The following ZNRF1 variants were observed in gnomAD, a reference collection of about 807,000 sequenced individuals.
ZNRF1 encodes the protein zinc and ring finger 1, also known as E3 ubiquitin-protein ligase ZNRF1.
A neutral mutation model predicts 18.4 loss-of-function variants in ZNRF1; 3 were observed. The observed-to-expected ratio is 0.16, with a 90% CI of 0.07 to 0.42. ZNRF1 has a LOEUF of 0.42. Among genes scored for constraint, ZNRF1 ranks in the 10% least tolerant of loss-of-function variants. The pLI is 0.99. For synonymous variants in ZNRF1, 157 were observed against 144.2 expected (o/e 1.09, Z -0.64); for missense variants, 310 against 329.8 (o/e 0.94, Z 0.47).
rs1332286826 is a variant in ZNRF1, at chr16:75,108,291, C to T, written c.*591C>T. ...TCCCCTTGAGACCCTAATATCTTGACTTCATTGCCAAAAAACAACCCATTG... is the reference window on the plus strand; with the variant it reads ...TCCCCTTGAGACCCTAATATCTTGATTTCATTGCCAAAAAACAACCCATTG... On this transcript the variant is annotated 3_prime_UTR_variant, in exon 5 of 5. Coordinates refer to ENST00000335325, the MANE Select transcript of ZNRF1 (RefSeq NM_032268.5). The T allele has an allele frequency of 6.5e-6, 2 of 308,322 alleles. No homozygotes were observed. The highest frequency in any genetic ancestry group is 5.4e-5 in the East Asian group (1 of 18,598). 19.1% of individuals were successfully genotyped at this position (308,322 alleles called of 1,614,324 possible).
At chr16:75,003,223 A>G (rs760022660) in intron 1 of ZNRF1, among the ~76,000 whole-genome samples, 4 of 152,190 alleles carry the variant, frequency 2.6e-5, no homozygotes, top group Non-Finnish European at 4.4e-5. Flanking sequence ...CGGCCTCCCA[A>G]AGTGATAGGA....
At chr16:75,079,471 T>G (rs1307872834) in intron 1 of ZNRF1, among the ~76,000 whole-genome samples, 1 of 151,542 alleles carries the variant, frequency 6.6e-6, no homozygotes, top group Non-Finnish European at 1.5e-5. Context: ...AGAGCAAGAG[T>G]CCGTCTCAAA....
chr16:75,050,323 C>A (rs548584132), intron 1 of ZNRF1, among the ~76,000 whole-genome samples: 1 of 151,842 alleles, frequency 6.6e-6, no homozygotes, highest in Non-Finnish European at 1.5e-5. Flanking sequence ...CCCAGGAATT[C>A]GAGACCATAC....
intron 1 of ZNRF1, among the ~76,000 whole-genome samples, chr16:75,050,575 A>G (rs1256299262): frequency 6.6e-6 from 1 of 150,606 alleles, no homozygotes; most frequent in African/African-American, 2.4e-5. Flanking sequence ...AAAAAATAAA[A>G]ATACTTGTAG....
At chr16:75,037,780 C>T (rs766835768) in intron 1 of ZNRF1, among the ~76,000 whole-genome samples, 7 of 152,154 alleles carry the variant, frequency 4.6e-5, no homozygotes, top group Admixed American at 6.6e-5. Context: ...CAGGAGAGTA[C>T]TGAGCTGAAA....
intron 1 of ZNRF1, among the ~76,000 whole-genome samples, chr16:75,071,517 C>T (rs1297366582): frequency 1.3e-5 from 2 of 152,140 alleles, no homozygotes; most frequent in African/African-American, 4.8e-5. Context: ...AGCATGGTGG[C>T]AAGCTTCCAA....
intron 1 of ZNRF1, among the ~76,000 whole-genome samples, chr16:75,092,203 C>T (rs941917798): frequency 6.9e-5 from 10 of 144,212 alleles, no homozygotes; most frequent in Admixed American, 4.7e-4. Flanking sequence ...ATTTAGTGTT[C>T]GTTAAGTGGA....
chr16:74,999,949 C>T lies in ZNRF1; in HGVS notation c.278C>T (p.Ser93Phe), dbSNP rs377731800. The T allele has an allele frequency of 6.4e-6, 10 of 1,573,596 alleles. No homozygotes were observed. Among genetic ancestry groups the T allele is most frequent in the Non-Finnish European group, 8.6e-6 (10 of 1,160,620 alleles). ...ERAPGGGGSA[S>F]DSTYAHGNGY... ...GCGCCCGGCGGCGGAGGGTCTGCGT[C>T]CGACTCCACCTATGCCCATGGCAAT... Residue 93 changes from serine (S) to phenylalanine (F), a missense_variant, in exon 1 of 5, where the codon TCC becomes TTC. Coordinates refer to ENST00000335325, the MANE Select transcript of ZNRF1 (RefSeq NM_032268.5).
intron 1 of ZNRF1, among the ~76,000 whole-genome samples, chr16:75,005,275 G>A (rs1029853495): frequency 6.6e-6 from 1 of 152,078 alleles, no homozygotes; most frequent in African/African-American, 2.4e-5. Flanking sequence ...AAGTTACCCC[G>A]AGGCAAAGAT....
At chr16:75,096,795 T>G (rs2036205253) in intron 2 of ZNRF1, among the ~76,000 whole-genome samples, 1 of 152,204 alleles carries the variant, frequency 6.6e-6, no homozygotes, top group Admixed American at 6.5e-5. Context: ...TTTCTTATTA[T>G]GAGGGTTGGC....
At chr16:75,096,941 TG>T (rs1316599856) in intron 2 of ZNRF1, among the ~76,000 whole-genome samples, 1 of 152,008 alleles carries the variant, frequency 6.6e-6, no homozygotes, top group African/African-American at 2.4e-5. Flanking sequence ...TGGGGAAGTT[TG>T]GGAATGTGCT....
chr16:75,013,379 A>T (rs895628532), intron 1 of ZNRF1, among the ~76,000 whole-genome samples: 1 of 147,720 alleles, frequency 6.8e-6, no homozygotes, highest in Admixed American at 6.8e-5. Flanking sequence ...ATGGAGTCTC[A>T]CTCTGTCGCC....
chr16:75,009,753 A>G (rs1279100619), intron 1 of ZNRF1, among the ~76,000 whole-genome samples: 1 of 151,472 alleles, frequency 6.6e-6, no homozygotes, highest in East Asian at 1.9e-4. Context: ...TATTCCTACC[A>G]ACAGTGCACA....
chr16:75,085,114 C>A (rs1371114964), intron 1 of ZNRF1, among the ~76,000 whole-genome samples: 6 of 152,202 alleles, frequency 3.9e-5, no homozygotes, highest in Admixed American at 2.0e-4. Flanking sequence ...AACACATACG[C>A]GTGTGTAACC....
chr16:75,078,453 C>T (rs2035970469), intron 1 of ZNRF1, among the ~76,000 whole-genome samples: 1 of 152,082 alleles, frequency 6.6e-6, no homozygotes, highest in African/African-American at 2.4e-5. Flanking sequence ...CACACATCAC[C>T]ATGCCCGGCT....
intron 1 of ZNRF1, among the ~76,000 whole-genome samples, chr16:75,054,326 T>C (rs932586962): frequency 2.0e-5 from 3 of 152,370 alleles, no homozygotes; most frequent in Admixed American, 6.5e-5. Flanking sequence ...ACTCTTGTTC[T>C]AAAAGTCCAT....
chr16:75,074,920 TA>T (rs1190874746), intron 1 of ZNRF1, among the ~76,000 whole-genome samples: 1 of 152,076 alleles, frequency 6.6e-6, no homozygotes, highest in Non-Finnish European at 1.5e-5. Flanking sequence ...GTAATAATAA[TA>T]AAATATTGAA....
chr16:75,024,206 A>C (rs1448381135), intron 1 of ZNRF1, among the ~76,000 whole-genome samples: 1 of 152,168 alleles, frequency 6.6e-6, no homozygotes, highest in Non-Finnish European at 1.5e-5. Context: ...AAGTGCCCAC[A>C]GTCCATACTA....
intron 1 of ZNRF1, among the ~76,000 whole-genome samples, chr16:75,042,443 C>CTTTT (rs56212046): frequency 1.5e-3 from 171 of 116,902 alleles, no homozygotes; most frequent in African/African-American, 3.0e-3. Flanking sequence ...CTGTTTCTTT[C>CTTTT]TTTTTTTTTT....
Sources: allele counts gnomAD v4.1 joint callset (sites outside exome capture counted in the v4.1 genomes callset), GRCh38; gene constraint gnomAD v4.1.1; transcripts MANE v1.5; gene names NCBI Gene and HGNC (gene_info 2026-07-23, HGNC 2026-07-21).